Variants in TENM3 observed in about 807,000 individuals in gnomAD.
TENM3 encodes teneurin-3.
In TENM3, 63 loss-of-function variants were observed where a neutral mutation model predicts 255.1. That is an observed-to-expected ratio of 0.25 (90% confidence interval 0.20 to 0.30). The LOEUF (loss-of-function observed/expected upper bound fraction) is 0.30. TENM3 is among the 10% of genes least tolerant of loss of function. The pLI, the probability that TENM3 is intolerant of heterozygous loss-of-function variation, is 1.00. For missense variants in TENM3, 2,929 were observed against 3,461.1 expected (o/e 0.85, Z 3.86); for synonymous variants, 1,306 against 1,322.3 (o/e 0.99, Z 0.27).
chr4:181,841,881 G>A, the TENM3 span, among the ~76,000 whole-genome samples: 1 of 152,092 alleles, frequency 6.6e-6, no homozygotes, highest in Non-Finnish European at 1.5e-5. Context: ...TTGAATGTTA[G>A]CAGCAGGCAC....
chr4:182,089,385 A>C, the TENM3 span, among the ~76,000 whole-genome samples: 3 of 152,208 alleles, frequency 2.0e-5, no homozygotes, highest in African/African-American at 7.2e-5. Context: ...AGAAAAGGTA[A>C]GAGAAAGAGA....
intron 4 of TENM3, among the ~76,000 whole-genome samples, chr4:182,615,773 T>G (rs1209663469): frequency 6.6e-6 from 1 of 151,914 alleles, no homozygotes; most frequent in African/African-American, 2.4e-5. Flanking sequence ...ATGAAAAATG[T>G]TTAAGCCCTT....
the TENM3 span, among the ~76,000 whole-genome samples, chr4:181,607,171 A>G: frequency 6.6e-6 from 1 of 152,122 alleles, no homozygotes; most frequent in Non-Finnish European, 1.5e-5. Flanking sequence ...TTTGGGGGCC[A>G]TTTGCCATCT....
At chr4:181,845,586 T>G in the TENM3 span, among the ~76,000 whole-genome samples, 1 of 152,236 alleles carries the variant, frequency 6.6e-6, no homozygotes, top group Non-Finnish European at 1.5e-5. Flanking sequence ...GCACACTTAC[T>G]TTGCCATTCC....
chr4:181,570,655 A>C, the TENM3 span, among the ~76,000 whole-genome samples: 2 of 150,354 alleles, frequency 1.3e-5, no homozygotes, highest in Admixed American at 6.6e-5. Flanking sequence ...AGAAAGAAGG[A>C]AAGCAAGCAA....
At chr4:181,477,063 A>AATTC in the TENM3 span, among the ~76,000 whole-genome samples, 571 of 150,268 alleles carry the variant, frequency 3.8e-3, 1 homozygote, top group African/African-American at 0.01. Flanking sequence ...AGGAAAACCC[A>AATTC]ATTCATTCAT....
At chr4:182,034,989 T>A in the TENM3 span, among the ~76,000 whole-genome samples, 3 of 152,132 alleles carry the variant, frequency 2.0e-5, no homozygotes, top group Non-Finnish European at 4.4e-5. Context: ...TCCAGCTTGG[T>A]TCCATTCTCC....
chr4:182,464,248 A>G (rs1004891451), intron 3 of TENM3, among the ~76,000 whole-genome samples: 1 of 152,084 alleles, frequency 6.6e-6, no homozygotes, highest in African/African-American at 2.4e-5. Flanking sequence ...ATTTAACATT[A>G]AAAAATTATA....
chr4:181,695,969 A>C, the TENM3 span, among the ~76,000 whole-genome samples: 1 of 151,964 alleles, frequency 6.6e-6, no homozygotes, highest in South Asian at 2.1e-4. Context: ...CTTCCATGCA[A>C]GTCAGAATAT....
the TENM3 span, among the ~76,000 whole-genome samples, chr4:182,034,165 C>T: frequency 0.02 from 3,004 of 152,244 alleles, 75 homozygotes; most frequent in East Asian, 0.13. Context: ...AGACTTACTA[C>T]GACAAGAACA....
At chr4:182,359,534 T>C (rs2150765154) in intron 3 of TENM3, among the ~76,000 whole-genome samples, 1 of 150,892 alleles carries the variant, frequency 6.6e-6, no homozygotes, top group South Asian at 2.2e-4. Flanking sequence ...TCTCTGATGG[T>C]AGTTTGTATT....
At chr4:182,097,757 C>T in the TENM3 span, among the ~76,000 whole-genome samples, 8 of 152,174 alleles carry the variant, frequency 5.3e-5, no homozygotes, top group Admixed American at 3.3e-4. Context: ...TATTATGTGC[C>T]AAGTTCTGAG....
chr4:182,683,025 A>G (rs537647447), intron 11 of TENM3, among the ~76,000 whole-genome samples: 7 of 152,288 alleles, frequency 4.6e-5, no homozygotes, highest in Admixed American at 3.3e-4. Context: ...ACATTTCTTT[A>G]TTTAATGATG....
chr4:181,879,797 A>T, the TENM3 span, among the ~76,000 whole-genome samples: 1 of 152,192 alleles, frequency 6.6e-6, no homozygotes, highest in Non-Finnish European at 1.5e-5. Flanking sequence ...TAGTAGACAC[A>T]CTTGTGGCAC....
the TENM3 span, among the ~76,000 whole-genome samples, chr4:181,803,822 G>A: frequency 6.6e-6 from 1 of 151,712 alleles, no homozygotes; most frequent in South Asian, 2.1e-4. Flanking sequence ...TGTGGTCCCA[G>A]CTACTTGGGA....
chr4:181,553,683 T>A, the TENM3 span, among the ~76,000 whole-genome samples: 1 of 152,046 alleles, frequency 6.6e-6, no homozygotes, highest in Non-Finnish European at 1.5e-5. Context: ...CCTCGTGATC[T>A]GCCCGCCTCG....
intron 5 of TENM3, 131 bp from the exon 6 acceptor site, chr4:182,653,640 C>T: frequency 1.0e-6 from 1 of 970,754 alleles, no homozygotes; most frequent in Non-Finnish European, 1.5e-6. Context: ...TTTCATTGCG[C>T]AGTTATCCTT....
At chr4:182,094,137 G>A in the TENM3 span, among the ~76,000 whole-genome samples, 1 of 152,094 alleles carries the variant, frequency 6.6e-6, no homozygotes, top group African/African-American at 2.4e-5. Flanking sequence ...GGCTTGAAGA[G>A]AGCCCAGAAG....
the TENM3 span, chr4:181,975,162 G>A: frequency 1.6e-5 from 2 of 122,916 alleles, no homozygotes; most frequent in Non-Finnish European, 3.3e-5. Context: ...TTTTGAAACA[G>A]GGTCTCACTC....
Sources: gnomAD v4.1 joint callset for allele counts (sites outside exome capture counted in the v4.1 genomes callset) on GRCh38, gnomAD v4.1.1 for gene constraint, MANE v1.5 for transcripts, NCBI Gene and HGNC (gene_info 2026-07-23, HGNC 2026-07-21) for gene names.